DLEC1: variants seen among roughly 807,000 people sequenced by gnomAD.
DLEC1 encodes DLEC1 cilia and flagella associated protein.
Under a neutral mutation model 198.1 loss-of-function variants are expected in DLEC1, and 146 were observed. The observed-to-expected ratio is 0.74, with a 90% CI of 0.64 to 0.85. The LOEUF (loss-of-function observed/expected upper bound fraction) is 0.85, where lower values mean the gene tolerates loss of function less well. Ranked by LOEUF, DLEC1 falls within the 40% of genes least tolerant of loss-of-function variation. The pLI is 0.00. For synonymous variants in DLEC1, 897 were observed against 866.8 expected (o/e 1.03, Z -0.61); for missense variants, 2,233 against 2,220.0 (o/e 1.01, Z -0.12).
intron 6 of DLEC1, among the ~76,000 whole-genome samples, chr3:38,074,263 A>G (rs1205654132): frequency 3.3e-5 from 5 of 152,244 alleles, no homozygotes; most frequent in African/African-American, 1.2e-4. Flanking sequence ...ATGCGTTGCC[A>G]TCTGGCTGCT....
intron 7 of DLEC1, 144 bp from the exon 8 acceptor site, chr3:38,085,130 C>T (rs1213636421): frequency 1.6e-5 from 14 of 853,446 alleles, no homozygotes; most frequent in Non-Finnish European, 2.7e-5. Flanking sequence ...CCTCGCATGC[C>T]CTTTTCCTGC....
In DLEC1 at chr3:38,039,718, G is replaced by C. The variant is rs531673621; in HGVS notation, c.411+82G>C. On this transcript the variant is annotated intron_variant, in intron 1 of 36. Coordinates refer to ENST00000308059, the MANE Select transcript of DLEC1 (RefSeq NM_007335.4). ...CGCGTCAGCACCTGCCAGGTGCCAGGCGCTGTTCCAGGATCTGGGGCTGCA... is the reference window on the plus strand; with the variant it reads ...CGCGTCAGCACCTGCCAGGTGCCAGCCGCTGTTCCAGGATCTGGGGCTGCA... The C allele has an allele frequency of 2.0e-6, 3 of 1,494,100 alleles. No homozygotes were observed. In the East Asian group the frequency reaches 7.0e-5, roughly 35 times the overall value. 92.6% of individuals were successfully genotyped at this position (1,494,100 alleles called of 1,614,324 possible). A position where few individuals can be genotyped will look rare whatever the true frequency, so the allele number is the denominator to read the frequency against.
intron 2 of DLEC1, among the ~76,000 whole-genome samples, chr3:38,056,195 G>A (rs1357645213): frequency 6.6e-6 from 1 of 152,078 alleles, no homozygotes; most frequent in African/African-American, 2.4e-5. Context: ...CTAGGGAGGT[G>A]GAGGTTGCAA....
intron 22 of DLEC1, 195 bp downstream of exon 22, chr3:38,109,757 T>C: frequency 1.0e-6 from 1 of 961,300 alleles, no homozygotes; most frequent in East Asian, 2.6e-5. Flanking sequence ...GCCCTCTGTG[T>C]GGTCTCCCCA....
At position 38,112,708 on chromosome 3, in the gene DLEC1, A is replaced by T. The variant is rs911764017; in HGVS notation, c.3666+347A>T. Among the ~76,000 whole-genome samples the T allele has an allele frequency of 2.0e-4, 31 of 152,156 alleles. No homozygotes were observed. Among genetic ancestry groups the T allele is most frequent in the African/African-American group, 6.3e-4 (26 of 41,446 alleles). On this transcript the variant is annotated intron_variant, in intron 25 of 36. Transcript: ENST00000308059. The surrounding 1 kb of genome is among the most constrained non-coding windows in gnomAD (Gnocchi z 4.8). ...AGGGAGTGTGGAGTGGAGGGACAGT[A>T]GCAGCCTCCCAGAGCCAGGTCCTTG...
rs376672626 is a variant in DLEC1 at position 38,112,392 on chromosome 3, G to A, written c.3666+31G>A. 1.9e-6 allele frequency: 3 copies of A among 1,607,980 alleles called. No individual in the cohort carries two copies. Among genetic ancestry groups the A allele is most frequent in the African/African-American group, 2.7e-5 (2 of 74,808 alleles). ...GGTACACAAGAGGGCAGTGGCCTGG[G>A]GGGTGGAGAGTCTGCCCAGCCCTCG... On this transcript the variant is annotated intron_variant, in intron 25 of 36. Coordinates refer to ENST00000308059, the MANE Select transcript of DLEC1 (RefSeq NM_007335.4). This position sits in a 1 kb window ranked among gnomAD's most constrained non-coding sequence, Gnocchi z 4.8.
chr3:38,116,377 G>T (rs1349482280), intron 27 of DLEC1, 76 bp from the exon 28 acceptor site: 4 of 1,424,536 alleles, frequency 2.8e-6, no homozygotes, highest in Non-Finnish European at 9.7e-7. Context: ...CTGTCTGGGG[G>T]TATGAGGAGG....
intron 3 of DLEC1, 147 bp from the exon 4 acceptor site, chr3:38,062,022 A>G: frequency 2.6e-6 from 2 of 765,210 alleles, no homozygotes; most frequent in South Asian, 3.5e-5. Flanking sequence ...CATATGTTGA[A>G]GAGCAATTAT....
intron 13 of DLEC1, chr3:38,095,555 C>A: frequency 2.9e-6 from 1 of 344,946 alleles, no homozygotes; most frequent in East Asian, 6.1e-5. Flanking sequence ...AGTGATCCTG[C>A]CTCTGGTCCC....
chr3:38,101,696 A>G (rs1188888671), intron 19 of DLEC1, among the ~76,000 whole-genome samples: 2 of 152,158 alleles, frequency 1.3e-5, no homozygotes, highest in Admixed American at 1.3e-4. Flanking sequence ...CACTTTCACC[A>G]TGACAAATGT....
chr3:38,092,129 C>CA (rs1261852202), intron 10 of DLEC1, among the ~76,000 whole-genome samples: 1 of 152,100 alleles, frequency 6.6e-6, no homozygotes. Context: ...GTGTCATTCA[C>CA]AATAGGCAAG....
At chr3:38,117,748 T>G in intron 32 of DLEC1, 58 bp from the exon 33 acceptor site, 6 of 936,082 alleles carry the variant, frequency 6.4e-6, no homozygotes, top group Non-Finnish European at 9.7e-6. Context: ...CCTAGAGCCA[T>G]GGGGTTGAAG....
At chr3:38,081,659 T>TG (rs1200221986) in intron 6 of DLEC1, among the ~76,000 whole-genome samples, 1 of 47,790 alleles carries the variant, frequency 2.1e-5, no homozygotes, top group Admixed American at 2.1e-4. Context: ...GCTGGCCGGG[T>TG]GGGGGGGCTG....
Position 38,123,359 on chromosome 3 carries a change from C to T in DLEC1, c.*947C>T. The T allele has an allele frequency of 1.9e-6, 1 of 535,996 alleles. No individual in the cohort carries two copies. Among genetic ancestry groups the T allele is most frequent in the Non-Finnish European group, 3.4e-6 (1 of 298,266 alleles). 33.2% of individuals were successfully genotyped at this position (535,996 alleles called of 1,614,324 possible). On this transcript the variant is annotated 3_prime_UTR_variant, in exon 37 of 37. Transcript: ENST00000308059. ...AAAACAGGGATCATGCCCCTACATC[C>T]TAAGTTCAGGGTGTTTCTGTGTGCA...
At chr3:38,077,289 A>G (rs1476969143) in intron 6 of DLEC1, among the ~76,000 whole-genome samples, 1 of 152,244 alleles carries the variant, frequency 6.6e-6, no homozygotes, top group Admixed American at 6.5e-5. Context: ...ATGACTAGAC[A>G]GAAAATAGTA....
At chr3:38,090,148 A>G (rs1390550777) in intron 10 of DLEC1, among the ~76,000 whole-genome samples, 1 of 152,146 alleles carries the variant, frequency 6.6e-6, no homozygotes, top group Non-Finnish European at 1.5e-5. Flanking sequence ...GTGAACTGTG[A>G]TTGAGCCACT....
rs1220941571 is a variant in DLEC1, at chr3:38,039,630, G to A, written c.405G>A (p.Leu135=). ...GCCACGAGGAGTTCGTGGACCAGCT[G>A]CAGCAGGTAACGTGGCGGTGGCGTC... ...NERHEEFVDQ[L]QQIRELYKQR... Residue 135 remains leucine (L), a synonymous_variant, in exon 1 of 37, where the codon CTG becomes CTA. Transcript: ENST00000308059. The A allele has an allele frequency of 6.3e-7, 1 of 1,598,992 alleles. No homozygotes were observed. Among genetic ancestry groups the A allele is most frequent in the Admixed American group, 1.7e-5 (1 of 58,984 alleles).
chr3:38,040,951 C>G (rs1207306195), intron 1 of DLEC1, among the ~76,000 whole-genome samples: 1 of 151,976 alleles, frequency 6.6e-6, no homozygotes, highest in African/African-American at 2.4e-5. Flanking sequence ...CTGATCCTCC[C>G]TCCTCAGCAT....
At chr3:38,086,487 A>G in intron 9 of DLEC1, 110 bp downstream of exon 9, 2 of 1,423,956 alleles carry the variant, frequency 1.4e-6, no homozygotes, top group Non-Finnish European at 1.9e-6. Flanking sequence ...CAGAACGCAG[A>G]GTGTTGTAAA....
Sources: gnomAD v4.1 joint callset for allele counts (sites outside exome capture counted in the v4.1 genomes callset) on GRCh38, gnomAD v4.1.1 for gene constraint, Gnocchi (gnomAD v3.1) non-coding constraint, MANE v1.5 for transcripts, NCBI Gene and HGNC (gene_info 2026-07-23, HGNC 2026-07-21) for gene names.